The following MACF1 variants were observed in gnomAD, a reference collection of about 807,000 sequenced individuals.
The protein encoded by MACF1 is microtubule actin crosslinking factor 1, also known as microtubule-actin cross-linking factor 1.
In MACF1, 193 loss-of-function variants were observed where a neutral mutation model predicts 854.8. That is an observed-to-expected ratio of 0.23 (90% CI 0.20 to 0.25). The LOEUF (loss-of-function observed/expected upper bound fraction) is 0.25. Ranked by LOEUF, MACF1 falls within the 10% of genes least tolerant of loss-of-function variation. The pLI, the probability that MACF1 is intolerant of heterozygous loss-of-function variation, is 1.00. For synonymous variants in MACF1, 3,185 were observed against 3,226.7 expected, an observed-to-expected ratio of 0.99 and a Z score of 0.44; for missense variants, 7,722 against 8,929.1, an observed-to-expected ratio of 0.86 and a Z score of 5.45.
At chr1:39,093,108 C>G (rs1422959179) in intron 2 of MACF1, among the ~76,000 whole-genome samples, 1 of 151,600 alleles carries the variant, frequency 6.6e-6, no homozygotes, top group East Asian at 1.9e-4. Context: ...CATTCTCTTA[C>G]TCAACAATCA....
At position 39,362,480 on chromosome 1, in the gene MACF1, C is replaced by T. The variant is rs536364408; in HGVS notation, c.12771+803C>T. On this transcript the variant is annotated intron_variant, in intron 49 of 100. Coordinates refer to ENST00000564288, the MANE Select transcript of MACF1 (RefSeq NM_001394062.1). ...GATTCACCAGTTGCTAATTGTTTTC[C>T]CTCTCTTATAAAAATATAAAAGAGA... Among the ~76,000 whole-genome samples, 37 of 152,228 alleles carry T rather than the reference C, an allele frequency of 2.4e-4. No individual in the cohort carries two copies. In the East Asian group the frequency reaches 5.4e-3, roughly 22 times the overall value.
At chr1:39,123,166 C>G (rs1642760814) in intron 2 of MACF1, among the ~76,000 whole-genome samples, 1 of 150,608 alleles carries the variant, frequency 6.6e-6, no homozygotes, top group African/African-American at 2.4e-5. Context: ...CAAGGACCAG[C>G]AGCATCTGAT....
chr1:39,317,887 G>A (rs1646443161), intron 29 of MACF1, among the ~76,000 whole-genome samples: 1 of 152,170 alleles, frequency 6.6e-6, no homozygotes, highest in East Asian at 1.9e-4. Context: ...GCACCTTTTG[G>A]AGGCTAAGCT....
At chr1:39,314,883 A>G (rs1646381324) in intron 26 of MACF1, among the ~76,000 whole-genome samples, 1 of 152,206 alleles carries the variant, frequency 6.6e-6, no homozygotes, top group African/African-American at 2.4e-5. Context: ...TAGTTCGAAT[A>G]CTGAGTTCAG....
upstream of MACF1, among the ~76,000 whole-genome samples, chr1:39,202,690 G>C (rs767901168): frequency 2.7e-5 from 4 of 150,774 alleles, no homozygotes; most frequent in Non-Finnish European, 5.9e-5. Flanking sequence ...TCTCCTCTTC[G>C]TCTCCTTTAG....
At position 39,424,031 on chromosome 1, in the gene MACF1, C is replaced by T; in HGVS notation, c.16153C>T (p.Leu5385Phe). 6.2e-7 allele frequency: 1 copy of T among 1,609,616 alleles called. No individual in the cohort carries two copies. Among genetic ancestry groups the T allele is most frequent in the Non-Finnish European group, 8.5e-7 (1 of 1,178,198 alleles). The change falls in exon 61 of 101, where the codon CTC becomes TTC. Residue 5385 changes from leucine to phenylalanine, a missense_variant. Physicochemically the swap from Leu to Phe is conservative, Grantham distance 22. This residue lies in a region of MACF1 where 2,807 missense variants were observed against 3,235.8 expected (regional missense o/e 0.87). Transcript: ENST00000564288. ...VKAQIQEQKL[L>F]QRLLDDRKAT... ...CTTTTCATTCTCTTTATAATAGTTGCTCCAGCGGCTCCTAGATGATCGAAA... is the reference window on the plus strand; with the variant it reads ...CTTTTCATTCTCTTTATAATAGTTGTTCCAGCGGCTCCTAGATGATCGAAA...
intron 2 of MACF1, among the ~76,000 whole-genome samples, chr1:39,137,703 TG>T (rs1259008839): frequency 6.6e-6 from 1 of 152,196 alleles, no homozygotes; most frequent in African/African-American, 2.4e-5. Flanking sequence ...AGATGCTCTT[TG>T]GCAAGCAAGT....
At chr1:39,463,387 G>A (rs1644596253) in intron 93 of MACF1, among the ~76,000 whole-genome samples, 1 of 151,740 alleles carries the variant, frequency 6.6e-6, no homozygotes, top group African/African-American at 2.4e-5. Context: ...CCACTTGGGG[G>A]GCTGAGGTAG....
Position 39,325,248 on chromosome 1 carries a change from G to A in MACF1, c.4478+514G>A, listed in dbSNP as rs541268518. 2.0e-5 allele frequency among the ~76,000 whole-genome samples: 3 copies of A among 152,328 alleles called. No homozygotes were observed. The East Asian group carries it at 5.8e-4, about 29-fold the overall frequency. On this transcript the variant is annotated intron_variant, in intron 35 of 100. Coordinates refer to ENST00000564288, the MANE Select transcript of MACF1 (RefSeq NM_001394062.1). ...CTCAGAGAAGGAAAAGGAAAATTAT[G>A]AGTGATAACTCAGAACCCAAGAAAG... is the stretch of plus-strand genomic sequence containing the variant.
chr1:39,121,777 C>T (rs1038828689), intron 2 of MACF1, among the ~76,000 whole-genome samples: 1 of 152,120 alleles, frequency 6.6e-6, no homozygotes, highest in Non-Finnish European at 1.5e-5. Context: ...AAATGATATC[C>T]TATGATAGTC....
intron 69 of MACF1, 45 bp downstream of exon 69, chr1:39,434,677 C>T (rs1643933496): frequency 6.5e-7 from 1 of 1,544,212 alleles, no homozygotes; most frequent in Admixed American, 1.8e-5. Flanking sequence ...AAAATGGTCT[C>T]TATAATTTAT....
chr1:39,350,587 T>C (rs1236038888), intron 42 of MACF1, among the ~76,000 whole-genome samples, 198 bp from the exon 43 acceptor site: 2 of 152,248 alleles, frequency 1.3e-5, no homozygotes, highest in East Asian at 3.8e-4. Flanking sequence ...CAACCTCCTT[T>C]TTTGGCTTCA....
At chr1:39,267,780 A>G (rs1645251159) in intron 6 of MACF1, among the ~76,000 whole-genome samples, 1 of 152,198 alleles carries the variant, frequency 6.6e-6, no homozygotes, top group African/African-American at 2.4e-5. Flanking sequence ...CTTTTTACCA[A>G]GCACTCATTT....
At chr1:39,295,191 G>T (rs1277892660) in intron 19 of MACF1, 41 bp downstream of exon 19, 2 of 1,511,434 alleles carry the variant, frequency 1.3e-6, no homozygotes, top group Non-Finnish European at 1.8e-6. Flanking sequence ...ATGCTGAGAG[G>T]TTGTTGTTAT....
At chr1:39,338,141 T>C (rs1646857206) in intron 38 of MACF1, among the ~76,000 whole-genome samples, 1 of 152,180 alleles carries the variant, frequency 6.6e-6, no homozygotes, top group Non-Finnish European at 1.5e-5. Context: ...GTTAGGAAAC[T>C]ATTGCAGTAA....
chr1:39,133,970 G>A (rs1643088515), intron 2 of MACF1, among the ~76,000 whole-genome samples: 1 of 151,512 alleles, frequency 6.6e-6, no homozygotes, highest in South Asian at 2.1e-4. Context: ...AGTTTGCTAG[G>A]GATTTGCGTG....
chr1:39,329,592 A>G (rs1433583900), intron 36 of MACF1, among the ~76,000 whole-genome samples: 2 of 152,238 alleles, frequency 1.3e-5, no homozygotes, highest in African/African-American at 4.8e-5. Context: ...AGAGAGTTAA[A>G]TAAGTAATCA....
At chr1:39,436,802 C>G (rs1218573289) in intron 70 of MACF1, among the ~76,000 whole-genome samples, 1 of 152,170 alleles carries the variant, frequency 6.6e-6, no homozygotes, top group Non-Finnish European at 1.5e-5. Flanking sequence ...TCTCTCCTCT[C>G]TGCATCAAAT....
chr1:39,453,258 T>G (rs1473146376), intron 87 of MACF1, among the ~76,000 whole-genome samples: 2 of 152,240 alleles, frequency 1.3e-5, no homozygotes, highest in African/African-American at 4.8e-5. Context: ...TAAATTTTTA[T>G]GTTATCCACT....
Sources: allele counts gnomAD v4.1 joint callset (sites outside exome capture counted in the v4.1 genomes callset), GRCh38; gene constraint gnomAD v4.1.1; regional missense constraint gnomAD v4.1.1; transcripts MANE v1.5; gene names NCBI Gene and HGNC (gene_info 2026-07-23, HGNC 2026-07-21).